TRIM55: variants seen among roughly 807,000 people sequenced by gnomAD.
TRIM55 encodes the protein tripartite motif containing 55, also known as tripartite motif-containing protein 55.
In TRIM55, 50 loss-of-function variants were observed where a neutral mutation model predicts 60.9. That is an observed-to-expected ratio of 0.82 (90% CI 0.65 to 1.04). TRIM55 has a LOEUF of 1.04. Among genes scored for constraint, TRIM55 ranks in the 50% least tolerant of loss-of-function variants. TRIM55 has a pLI of 0.00. For missense variants in TRIM55, 681 were observed against 666.9 expected (o/e 1.02, Z -0.23); for synonymous variants, 237 against 238.1 (o/e 1.00, Z 0.04).
In TRIM55 at chr8:66,135,063, T is replaced by A; in HGVS notation, c.415T>A (p.Cys139Ser). The A allele has an allele frequency of 6.2e-7, 1 of 1,614,216 alleles. No individual in the cohort carries two copies. ...GCGCATCAACATCTACTGTCTGAAC[T>A]GCGAAGTACCCACCTGCTCTCTGTG... is the stretch of plus-strand genomic sequence containing the variant. ...EERINIYCLNCEVPTCSLCKV... is the reference protein window; with the variant it reads ...EERINIYCLNSEVPTCSLCKV... The change falls in exon 3 of 10, where the codon TGC (cysteine) becomes AGC (serine). Residue 139 changes from cysteine (C) to serine (S), a missense_variant. Coordinates refer to ENST00000315962, the MANE Select transcript of TRIM55 (RefSeq NM_184085.2).
intron 9 of TRIM55, among the ~76,000 whole-genome samples, chr8:66,163,920 A>C (rs1442808495): frequency 6.6e-6 from 1 of 152,100 alleles, no homozygotes; most frequent in Non-Finnish European, 1.5e-5. Context: ...TTACAGTATC[A>C]GTTTTTGCCT....
intron 9 of TRIM55, among the ~76,000 whole-genome samples, chr8:66,155,250 G>T (rs1311792039): frequency 6.6e-6 from 1 of 152,194 alleles, no homozygotes; most frequent in Non-Finnish European, 1.5e-5. Context: ...GATTGTATCT[G>T]CCCAAGAGAC....
chr8:66,135,503 T>C (rs964309931), intron 3 of TRIM55, among the ~76,000 whole-genome samples: 5 of 152,214 alleles, frequency 3.3e-5, no homozygotes, highest in Admixed American at 2.6e-4. Flanking sequence ...CTCCAGCTTA[T>C]GTGAAGTTTA....
the TRIM55 span, among the ~76,000 whole-genome samples, chr8:66,114,082 A>AAC: frequency 2.7e-5 from 2 of 75,300 alleles, no homozygotes; most frequent in Admixed American, 1.6e-4. Context: ...AAGGAGAGAC[A>AAC]CCCCCCCCCC....
chr8:66,172,015 C>T (rs1811667487), intron 9 of TRIM55, among the ~76,000 whole-genome samples: 1 of 151,418 alleles, frequency 6.6e-6, no homozygotes, highest in Admixed American at 6.6e-5. Context: ...CCAGGGGATT[C>T]TGCATGGCAG....
At chr8:66,168,222 T>C (rs756055329) in intron 9 of TRIM55, among the ~76,000 whole-genome samples, 2 of 152,208 alleles carry the variant, frequency 1.3e-5, no homozygotes, top group Admixed American at 1.3e-4. Flanking sequence ...ACACCTATGA[T>C]GGCAGAGCTG....
chr8:66,136,674 G>T (rs540723162), intron 3 of TRIM55, among the ~76,000 whole-genome samples: 6 of 152,200 alleles, frequency 3.9e-5, no homozygotes, highest in Non-Finnish European at 8.8e-5. Context: ...GAGTGTTTGT[G>T]TCTGTATACA....
intron 3 of TRIM55, 114 bp from the exon 4 acceptor site, chr8:66,136,981 A>G: frequency 1.3e-6 from 1 of 763,304 alleles, no homozygotes; most frequent in Non-Finnish European, 2.1e-6. Context: ...GTTAGTCCTT[A>G]GGGGTTGCAT....
At chr8:66,122,445 C>T (rs1808668387), upstream of TRIM55, among the ~76,000 whole-genome samples, 1 of 152,146 alleles carries the variant, frequency 6.6e-6, no homozygotes, top group South Asian at 2.1e-4. Context: ...TGTCTCATGT[C>T]TCCCTAGAAT....
chr8:66,164,933 AGAAGGAAGGAAGGAAG>A (rs66566563), intron 9 of TRIM55, among the ~76,000 whole-genome samples: 32,337 of 148,980 alleles, frequency 0.22, 6,664 homozygotes, highest in African/African-American at 0.55. Context: ...GAAGGAGGAA[AGAAGGAAGGAAGGAAG>A]GAAGGAAGGA....
intron 8 of TRIM55, 61 bp downstream of exon 8, chr8:66,152,688 TA>T: frequency 6.4e-7 from 1 of 1,556,336 alleles, no homozygotes. Context: ...TGGAATAGCC[TA>T]AACAATTTAC....
chr8:66,169,523 C>T (rs1030095720), intron 9 of TRIM55, among the ~76,000 whole-genome samples: 20 of 152,272 alleles, frequency 1.3e-4, no homozygotes, highest in African/African-American at 4.6e-4. Context: ...AAAAATTAAC[C>T]TTCTGTTAAG....
chr8:66,129,446 G>A (rs1325543282), intron 2 of TRIM55, among the ~76,000 whole-genome samples: 1 of 152,160 alleles, frequency 6.6e-6, no homozygotes, highest in African/African-American at 2.4e-5. Context: ...GCTCTTGGAA[G>A]GAAAGCTGTT....
chr8:66,131,176 A>T (rs1809134479), intron 2 of TRIM55, among the ~76,000 whole-genome samples: 1 of 152,178 alleles, frequency 6.6e-6, no homozygotes, highest in South Asian at 2.1e-4. Flanking sequence ...TTTAATTCTC[A>T]CAATAATCCG....
chr8:66,113,727 G>A, the TRIM55 span: 19 of 367,726 alleles, frequency 5.2e-5, no homozygotes, highest in Non-Finnish European at 9.2e-5. Flanking sequence ...CTTTGGCATT[G>A]CCCGGGCCCC....
intron 9 of TRIM55, among the ~76,000 whole-genome samples, chr8:66,167,444 G>A (rs1293047665): frequency 6.6e-6 from 1 of 152,138 alleles, no homozygotes; most frequent in East Asian, 1.9e-4. Flanking sequence ...AAGAAGGCTG[G>A]CAGCAAGTTT....
chr8:66,124,093 C>CT (rs1808731963), upstream of TRIM55, among the ~76,000 whole-genome samples: 1 of 152,144 alleles, frequency 6.6e-6, no homozygotes, highest in Non-Finnish European at 1.5e-5. Context: ...TCTGAGTCAT[C>CT]TGTGTGGATT....
At chr8:66,153,460 G>A (rs776051226) in intron 8 of TRIM55, among the ~76,000 whole-genome samples, 17 of 152,160 alleles carry the variant, frequency 1.1e-4, no homozygotes, top group Non-Finnish European at 2.4e-4. Flanking sequence ...TTCTGCAACT[G>A]CTTTTGAAGT....
Position 66,164,921 on chromosome 8 carries a change from G to A in TRIM55, c.1525-9550G>A, listed in dbSNP as rs118099166. 9.8e-4 allele frequency among the ~76,000 whole-genome samples: 140 copies of A among 143,260 alleles called. 4 individuals are homozygous for A. The East Asian group carries it at 0.028, about 28-fold the overall frequency. The allele number at this position is 143,260 out of a possible 152,430, so 94.0% of individuals were successfully genotyped here. On this transcript the variant is annotated intron_variant, in intron 9 of 9. Transcript: ENST00000315962. ...GGAAAATGGAAGGGAAAGGAAAAAT[G>A]GGAAGGAGGAAAGAAGGAAGGAAGG...
Sources: gnomAD v4.1 joint callset for allele counts (sites outside exome capture counted in the v4.1 genomes callset) on GRCh38, gnomAD v4.1.1 for gene constraint, MANE v1.5 for transcripts, NCBI Gene and HGNC (gene_info 2026-07-23, HGNC 2026-07-21) for gene names.